Variants in RBFOX1 observed in about 807,000 individuals in gnomAD.
The protein encoded by RBFOX1 is RNA binding protein fox-1 homolog 1.
A neutral mutation model predicts 57.7 loss-of-function variants in RBFOX1; 8 were observed. That is an observed-to-expected ratio of 0.14 (90% CI 0.08 to 0.25). The LOEUF is 0.25. RBFOX1 is among the 10% of genes least tolerant of loss of function. RBFOX1 has a pLI of 1.00. For synonymous variants in RBFOX1, 326 were observed against 222.4 expected (o/e 1.47, Z -4.15); for missense variants, 611 against 548.5 (o/e 1.11, Z -1.14).
At chr16:6,984,991 G>C (rs1332463593) in intron 3 of RBFOX1, among the ~76,000 whole-genome samples, 3 of 151,310 alleles carry the variant, frequency 2.0e-5, no homozygotes, top group Middle Eastern at 3.4e-3. Flanking sequence ...TCAGGAGGGA[G>C]GGCTCCTTGA....
intron 5 of RBFOX1, among the ~76,000 whole-genome samples, chr16:7,532,010 C>T (rs1422908970): frequency 6.6e-6 from 1 of 152,128 alleles, no homozygotes; most frequent in African/African-American, 2.4e-5. Context: ...AAACTTGCTA[C>T]AAGGAAATTG....
intron 2 of RBFOX1, among the ~76,000 whole-genome samples, chr16:5,552,252 G>A (rs1340553470): frequency 6.6e-6 from 1 of 152,194 alleles, no homozygotes; most frequent in Non-Finnish European, 1.5e-5. Flanking sequence ...TGGGTTAAGA[G>A]TGGTTTATTA....
intron 3 of RBFOX1, among the ~76,000 whole-genome samples, chr16:6,751,637 A>G (rs145914223): frequency 3.9e-5 from 6 of 152,300 alleles, no homozygotes; most frequent in African/African-American, 1.4e-4. Flanking sequence ...GAAATGTCAA[A>G]GGAAGCCAGT....
intron 2 of RBFOX1, among the ~76,000 whole-genome samples, chr16:5,569,869 C>T (rs1300500585): frequency 6.6e-6 from 1 of 152,118 alleles, no homozygotes; most frequent in East Asian, 1.9e-4. Context: ...TCATCTTGTT[C>T]TGTCTGCGAC....
intron 2 of RBFOX1, among the ~76,000 whole-genome samples, chr16:5,502,142 T>A (rs1179662481): frequency 1.3e-5 from 2 of 152,060 alleles, no homozygotes; most frequent in African/African-American, 4.8e-5. Context: ...TTAGCTAAAC[T>A]AGGGGAAGAA....
At chr16:7,625,660 A>G (rs559131714) in intron 10 of RBFOX1, among the ~76,000 whole-genome samples, 26 of 151,892 alleles carry the variant, frequency 1.7e-4, no homozygotes, top group Admixed American at 6.6e-4. Context: ...TTCCGTTCAC[A>G]TTTTTTGTTT....
At chr16:7,533,583 C>T (rs544696087) in intron 5 of RBFOX1, among the ~76,000 whole-genome samples, 3 of 152,200 alleles carry the variant, frequency 2.0e-5, no homozygotes, top group Non-Finnish European at 4.4e-5. Context: ...ACACAGAACA[C>T]TTGTATGAGC....
At chr16:7,234,594 G>GTT (rs566833186) in intron 4 of RBFOX1, among the ~76,000 whole-genome samples, 2 of 149,996 alleles carry the variant, frequency 1.3e-5, no homozygotes, top group African/African-American at 2.5e-5. Context: ...ACATATGTGT[G>GTT]TGTGTGTGTG....
chr16:7,165,188 A>G (rs2079164225), intron 4 of RBFOX1, among the ~76,000 whole-genome samples: 1 of 152,016 alleles, frequency 6.6e-6, no homozygotes, highest in Non-Finnish European at 1.5e-5. Context: ...GCAGGAAGGG[A>G]TTAGCAAGAC....
intron 12 of RBFOX1, among the ~76,000 whole-genome samples, chr16:7,659,417 C>A (rs1183716886): frequency 1.3e-5 from 2 of 152,098 alleles, no homozygotes; most frequent in Admixed American, 1.3e-4. Context: ...GTATCTGATG[C>A]TTAGGAACTG....
At chr16:7,204,482 A>C (rs1218437118) in intron 4 of RBFOX1, among the ~76,000 whole-genome samples, 3 of 152,102 alleles carry the variant, frequency 2.0e-5, no homozygotes, top group African/African-American at 4.8e-5. Context: ...TCTCTATAAA[A>C]ATTATAATAG....
In RBFOX1 at chr16:5,774,717, C is replaced by G. The variant is rs902016783; in HGVS notation, c.319-92586C>G. On this transcript the variant is annotated intron_variant, in intron 3 of 19. Coordinates refer to the RBFOX1 transcript ENST00000641259. ...TTAGTTTTTTAGATAAAGTCTCACT[C>G]TCTCGCCCAGACTAGAGTGCAGTGG... Among the ~76,000 whole-genome samples the G allele has an allele frequency of 3.9e-5, 6 of 152,172 alleles. No individual in the cohort carries two copies. In the East Asian group the frequency reaches 7.7e-4, roughly 20 times the overall value.
chr16:6,981,932 C>G (rs1286810163), intron 3 of RBFOX1, among the ~76,000 whole-genome samples: 8 of 152,138 alleles, frequency 5.3e-5, no homozygotes, highest in Admixed American at 3.9e-4. Flanking sequence ...ATGCATGGGT[C>G]TTTGTATTAC....
chr16:7,231,429 A>G (rs992297580), intron 4 of RBFOX1, among the ~76,000 whole-genome samples: 31 of 152,294 alleles, frequency 2.0e-4, no homozygotes, highest in Non-Finnish European at 3.4e-4. Context: ...TCCTAAGAGC[A>G]AACAGTTTAA....
chr16:6,111,483 A>T (rs2096446128), intron 1 of RBFOX1, among the ~76,000 whole-genome samples: 1 of 152,158 alleles, frequency 6.6e-6, no homozygotes, highest in South Asian at 2.1e-4. Context: ...TTCTACTTCC[A>T]CCCACTTTGT....
chr16:7,650,145 T>A (rs2064700555), intron 11 of RBFOX1, among the ~76,000 whole-genome samples: 2 of 151,808 alleles, frequency 1.3e-5, no homozygotes, highest in Admixed American at 6.6e-5. Flanking sequence ...AAGAAAGGAA[T>A]GTGATCGATG....
At chr16:5,886,031 C>T (rs1054003719) in intron 4 of RBFOX1, among the ~76,000 whole-genome samples, 1 of 152,118 alleles carries the variant, frequency 6.6e-6, no homozygotes. Flanking sequence ...GGTAACACCT[C>T]TCCCTTCACT....
chr16:6,687,912 C>T (rs1410095209), intron 3 of RBFOX1, among the ~76,000 whole-genome samples: 4 of 152,152 alleles, frequency 2.6e-5, no homozygotes, highest in South Asian at 4.1e-4. Context: ...TTTCTCTCCA[C>T]CGTATTTTCA....
intron 2 of RBFOX1, among the ~76,000 whole-genome samples, chr16:5,499,080 C>A (rs958933481): frequency 2.6e-5 from 4 of 152,166 alleles, no homozygotes; most frequent in Non-Finnish European, 4.4e-5. Context: ...CTCATGCTTG[C>A]TGGCCAGGCC....
Sources: gnomAD v4.1 joint callset for allele counts (sites outside exome capture counted in the v4.1 genomes callset) on GRCh38, gnomAD v4.1.1 for gene constraint, MANE v1.5 for transcripts, NCBI Gene and HGNC (gene_info 2026-07-23, HGNC 2026-07-21) for gene names.